Variants in HOGA1 observed in about 807,000 individuals in gnomAD.
HOGA1 encodes 4-hydroxy-2-oxoglutarate aldolase 1.
Under a neutral mutation model 34.3 loss-of-function variants are expected in HOGA1, and 30 were observed. That is an observed-to-expected ratio of 0.87 (90% confidence interval 0.65 to 1.19). The LOEUF (loss-of-function observed/expected upper bound fraction) is 1.19. Ranked by LOEUF, HOGA1 falls within the 50% of genes most tolerant of loss-of-function variation. HOGA1 has a pLI of 0.00. For synonymous variants in HOGA1, 161 were observed against 174.0 expected (o/e 0.93, Z 0.59); for missense variants, 417 against 436.5 (o/e 0.96, Z 0.40).
chr10:97,600,030 T>C, intron 4 of HOGA1, 37 bp from the exon 5 acceptor site: 1 of 1,594,100 alleles, frequency 6.3e-7, no homozygotes, highest in African/African-American at 1.3e-5. Context: ...AGGATGAGGC[T>C]CTGGGCACAG....
chr10:97,605,625 A>C (rs1239610479), intron 6 of HOGA1, among the ~76,000 whole-genome samples: 1 of 152,208 alleles, frequency 6.6e-6, no homozygotes, highest in African/African-American at 2.4e-5. Flanking sequence ...TGTATAGTAC[A>C]GATGTATGGT....
At chr10:97,602,677 C>G (rs1261117249) in intron 6 of HOGA1, 1 of 766,928 alleles carries the variant, frequency 1.3e-6, no homozygotes, top group Non-Finnish European at 1.6e-6. Flanking sequence ...CTCTTTCTCT[C>G]TTTCTTTCTT....
At chr10:97,590,282 G>A (rs1402425744) in intron 1 of HOGA1, 1 of 1,613,722 alleles carries the variant, frequency 6.2e-7, no homozygotes. Context: ...CGCTGTGGCT[G>A]CCTGCACCAA....
At chr10:97,608,530 C>G (rs890682535) in intron 6 of HOGA1, among the ~76,000 whole-genome samples, 2 of 151,972 alleles carry the variant, frequency 1.3e-5, no homozygotes, top group Non-Finnish European at 2.9e-5. Context: ...TTTGGCTGGG[C>G]ACGGTGGCTC....
At chr10:97,600,202 A>C in intron 5 of HOGA1, 39 bp downstream of exon 5, 1 of 1,520,044 alleles carries the variant, frequency 6.6e-7, no homozygotes, top group South Asian at 1.1e-5. Context: ...ATGGGTGACC[A>C]AGAGATACCC....
chr10:97,607,577 ACTT>A (rs2041166720), intron 6 of HOGA1, among the ~76,000 whole-genome samples: 1 of 152,062 alleles, frequency 6.6e-6, no homozygotes, highest in African/African-American at 2.4e-5. Flanking sequence ...GCACTGTGTT[ACTT>A]CTTGGGTCTC....
intron 1 of HOGA1, chr10:97,590,545 C>A: frequency 6.2e-7 from 1 of 1,612,146 alleles, no homozygotes; most frequent in Non-Finnish European, 8.5e-7. Flanking sequence ...ACCAGAGCCA[C>A]AGCCTGCCTA....
Position 97,584,809 on chromosome 10 carries a change from G to T in HOGA1, c.106G>T (p.Ala36Ser), listed in dbSNP as rs573292460. The change falls in exon 1 of 7, where the codon GCG becomes TCG. Residue 36 changes from alanine (A) to serine (S), a missense_variant. Physicochemically the swap from Ala to Ser is moderately conservative, Grantham distance 99 (BLOSUM62 1). Coordinates refer to ENST00000370646, the MANE Select transcript of HOGA1 (RefSeq NM_138413.4). ...ASGEGKKVDI[A>S]GIYPPVTTPF... The stretch of plus-strand genomic sequence containing the variant: ...AGGGGAGGGGAAGAAGGTGGACATT[G>T]CGGGTATCTACCCCCCTGTGACCAC... The T allele has an allele frequency of 3.1e-6, 5 of 1,614,062 alleles. No individual in the cohort carries two copies. In the South Asian group the frequency reaches 4.4e-5, roughly 14 times the overall value.
rs1400701771 is a variant in HOGA1 at position 97,603,171 on chromosome 10, T to A, written c.834+1181T>A. ...CACGTGCCACCATACCCGGATAATTTTTTTGTATTTTTAGTAGAGACGGGG... is the reference window on the plus strand; with the variant it reads ...CACGTGCCACCATACCCGGATAATTATTTTGTATTTTTAGTAGAGACGGGG... On this transcript the variant is annotated intron_variant, in intron 6 of 6. Coordinates refer to ENST00000370646, the MANE Select transcript of HOGA1 (RefSeq NM_138413.4). This position sits in a 1 kb window ranked among gnomAD's most constrained non-coding sequence, Gnocchi z 4.5. Among the ~76,000 whole-genome samples, 1 of 151,714 alleles carries A rather than the reference T, an allele frequency of 6.6e-6. No homozygotes were observed. Among genetic ancestry groups the A allele is most frequent in the African/African-American group, 2.4e-5 (1 of 41,294 alleles).
At position 97,599,088 on chromosome 10, in the gene HOGA1, G is replaced by A. The variant is rs1554874130; in HGVS notation, c.341-1G>A. ...TCTCACCTCTCTCCTTCCTCTGGCA[G>A]CCACTCAAGCCACAGTGGAGATGAC... On this transcript the variant is annotated splice_acceptor_variant, in intron 2 of 6. Coordinates refer to ENST00000370646, the MANE Select transcript of HOGA1 (RefSeq NM_138413.4). LOFTEE classifies it high-confidence loss of function. 2 of 1,612,672 alleles carry A rather than the reference G, an allele frequency of 1.2e-6. No homozygotes were observed. Among genetic ancestry groups the A allele is most frequent in the African/African-American group, 1.3e-5 (1 of 74,904 alleles).
At chr10:97,590,363 G>A (rs1437247864) in intron 1 of HOGA1, 1 of 1,613,922 alleles carries the variant, frequency 6.2e-7, no homozygotes, top group African/African-American at 1.3e-5. Context: ...CCAGCACTCA[G>A]GTCACCTAGA....
At chr10:97,593,441 C>T (rs537254480) in intron 1 of HOGA1, among the ~76,000 whole-genome samples, 1 of 151,974 alleles carries the variant, frequency 6.6e-6, no homozygotes, top group Non-Finnish European at 1.5e-5. Flanking sequence ...CATGCCACTG[C>T]CCTCCAGCCT....
chr10:97,600,004 T>A, intron 4 of HOGA1, 63 bp from the exon 5 acceptor site: 1 of 1,541,502 alleles, frequency 6.5e-7, no homozygotes, highest in Non-Finnish European at 9.0e-7. Flanking sequence ...CCACCACACT[T>A]ACCCGGCCCT....
chr10:97,594,901 G>A (rs2041057213), intron 1 of HOGA1, among the ~76,000 whole-genome samples: 1 of 152,184 alleles, frequency 6.6e-6, no homozygotes, highest in African/African-American at 2.4e-5. Context: ...GATGGGTGCT[G>A]TCCATGGGGA....
intron 1 of HOGA1, among the ~76,000 whole-genome samples, chr10:97,597,301 C>T (rs1035182134): frequency 3.3e-5 from 5 of 152,018 alleles, no homozygotes; most frequent in Admixed American, 6.6e-5. Flanking sequence ...ATCTTAGCCT[C>T]CTGAAGTGCT....
chr10:97,588,477 G>A (rs1402416619), intron 1 of HOGA1, among the ~76,000 whole-genome samples: 1 of 152,124 alleles, frequency 6.6e-6, no homozygotes, highest in Non-Finnish European at 1.5e-5. Context: ...CAAAGTGTTG[G>A]GATTACAGGC....
At chr10:97,610,115 A>C (rs1185067778) in intron 6 of HOGA1, among the ~76,000 whole-genome samples, 3 of 152,224 alleles carry the variant, frequency 2.0e-5, no homozygotes, top group African/African-American at 7.2e-5. Context: ...ACCAGTTGCT[A>C]TACCAAAAGC....
chr10:97,609,590 C>T (rs1412395664), intron 6 of HOGA1, among the ~76,000 whole-genome samples: 1 of 152,136 alleles, frequency 6.6e-6, no homozygotes, highest in African/African-American at 2.4e-5. Context: ...ATTGCCCATC[C>T]CTGGTCAAAC....
At chr10:97,601,069 A>G (rs1369456392) in intron 5 of HOGA1, 1 of 153,128 alleles carries the variant, frequency 6.5e-6, no homozygotes, top group Non-Finnish European at 1.5e-5. Flanking sequence ...TACTCTGTGT[A>G]CAGAGGGATC....
Sources: allele counts gnomAD v4.1 joint callset (sites outside exome capture counted in the v4.1 genomes callset), GRCh38; gene constraint gnomAD v4.1.1; non-coding constraint Gnocchi (gnomAD v3.1); transcripts MANE v1.5; gene names NCBI Gene and HGNC (gene_info 2026-07-23, HGNC 2026-07-21).